The following DMD variants were observed in gnomAD, a reference collection of about 807,000 sequenced individuals.
The protein encoded by DMD is mutant dystrophin.
Under a neutral mutation model 330.1 loss-of-function variants are expected in DMD, and 63 were observed. The ratio of observed to expected loss-of-function variants is 0.19; its 90% CI spans 0.16 to 0.24. DMD has a LOEUF of 0.24. Ranked by LOEUF, DMD falls within the 10% of genes least tolerant of loss-of-function variation. The probability of loss-of-function intolerance (pLI) is 1.00; values close to 1 mark genes in which losing one functional copy is unlikely to be tolerated. For synonymous variants in DMD, 1,223 were observed against 959.8 expected, an observed-to-expected ratio of 1.27 and a Z score of -5.07; for missense variants, 3,344 against 2,684.1, an observed-to-expected ratio of 1.25 and a Z score of -5.43.
chrX:31,410,138 C>T (rs947895066), intron 60 of DMD, among the ~76,000 whole-genome samples: 2 of 112,117 alleles, frequency 1.8e-5, no homozygotes, highest in Admixed American at 9.4e-5. Context: ...ATTTTTAAAG[C>T]GGCATGCATC....
At chrX:31,826,952 G>C (rs1273428173) in intron 49 of DMD, among the ~76,000 whole-genome samples, 1 of 111,812 alleles carries the variant, frequency 8.9e-6, no homozygotes, top group Non-Finnish European at 1.9e-5. Flanking sequence ...ATTTATTATA[G>C]GTGACTTTTG....
At chrX:31,378,593 C>A (rs1306576827) in intron 60 of DMD, among the ~76,000 whole-genome samples, 1 of 109,922 alleles carries the variant, frequency 9.1e-6, no homozygotes, top group African/African-American at 3.3e-5. Flanking sequence ...CACGGGGACG[C>A]CTGCCTTGGT....
In DMD at chrX:32,491,406, G is replaced by A; in HGVS notation, c.2493C>T (p.Asn831=). Residue 831 remains asparagine, a synonymous_variant, in exon 20 of 79, where the codon AAC becomes AAT. Coordinates refer to ENST00000357033, the MANE Select transcript of DMD (RefSeq NM_004006.3). Reference sequence around the variant, plus strand: ...GTAGCTGATTATAGAAAGCGATGATGTTGTTCTGATACTCCAGCCAGTTAA... The same window carrying A: ...GTAGCTGATTATAGAAAGCGATGATATTGTTCTGATACTCCAGCCAGTTAA... The part of the protein sequence containing the change: ...ERLNWLEYQN[N]IIAFYNQLQQ... The A allele has an allele frequency of 8.3e-7, 1 of 1,211,753 alleles. No individual in the cohort carries two copies. The highest frequency in any genetic ancestry group is 1.1e-6 in the Non-Finnish European group (1 of 895,481).
chrX:31,124,994 A>C (rs1355206463), intron 78 of DMD, among the ~76,000 whole-genome samples: 1 of 111,843 alleles, frequency 8.9e-6, no homozygotes, highest in African/African-American at 3.2e-5. Context: ...AGCATTAAAA[A>C]AGGTCATTAT....
chrX:31,909,616 T>C (rs2094523014), intron 47 of DMD, among the ~76,000 whole-genome samples: 1 of 111,190 alleles, frequency 9.0e-6, no homozygotes, highest in African/African-American at 3.3e-5. Context: ...CTTACAGCAT[T>C]AAGAGAACCA....
intron 63 of DMD, among the ~76,000 whole-genome samples, chrX:31,243,240 C>T (rs1193045744): frequency 8.9e-6 from 1 of 111,844 alleles, no homozygotes; most frequent in African/African-American, 3.3e-5. Context: ...AACTGAATAG[C>T]CTTTTATTAG....
chrX:31,272,881 C>T (rs1393824023), intron 62 of DMD, among the ~76,000 whole-genome samples: 1 of 112,007 alleles, frequency 8.9e-6, no homozygotes, highest in African/African-American at 3.2e-5. Flanking sequence ...TCTGATCAAT[C>T]TAGAAATTAC....
At chrX:32,714,685 G>T (rs890878933) in intron 7 of DMD, among the ~76,000 whole-genome samples, 1 of 111,491 alleles carries the variant, frequency 9.0e-6, no homozygotes, top group East Asian at 2.8e-4. Flanking sequence ...TTCATCATAT[G>T]TGACTTCCTT....
At chrX:32,589,215 T>C (rs1221700702) in intron 13 of DMD, among the ~76,000 whole-genome samples, 1 of 111,856 alleles carries the variant, frequency 8.9e-6, no homozygotes, top group Non-Finnish European at 1.9e-5. Context: ...CTTCACAGGA[T>C]GCTGCCATCT....
chrX:31,404,988 T>G (rs1188512582), intron 60 of DMD, among the ~76,000 whole-genome samples: 1 of 111,146 alleles, frequency 9.0e-6, no homozygotes, highest in Non-Finnish European at 1.9e-5. Context: ...GTAAGGAAAA[T>G]GGAGAGTGTG....
chrX:32,400,021 T>C (rs1298034178), intron 30 of DMD, among the ~76,000 whole-genome samples: 1 of 111,480 alleles, frequency 9.0e-6, no homozygotes, highest in Non-Finnish European at 1.9e-5. Context: ...AGAGAGGGCA[T>C]CCCTGTCTTG....
chrX:32,853,769 G>GAAAAAAAAAAAAAAAAAAAAAAAAAAAAA (rs1162458210), intron 2 of DMD, among the ~76,000 whole-genome samples: 7 of 56,085 alleles, frequency 1.2e-4, no homozygotes, highest in South Asian at 1.2e-3. Context: ...CACAGTGACA[G>GAAAAAAAAAAAAAAAAAAAAAAAAAAAAA]AAAAAAAAAA....
At chrX:31,173,461 G>T (rs2040202615) in intron 72 of DMD, 78 bp downstream of exon 72, 2 of 1,098,489 alleles carry the variant, frequency 1.8e-6, no homozygotes, top group Non-Finnish European at 2.5e-6. Context: ...GAAAAGATTT[G>T]TTTAAAATAT....
At chrX:32,876,572 G>A (rs1165296146) in intron 2 of DMD, among the ~76,000 whole-genome samples, 2 of 111,536 alleles carry the variant, frequency 1.8e-5, no homozygotes, top group Non-Finnish European at 3.8e-5. Context: ...AGTCCCTCCT[G>A]ATCTTGCGGT....
intron 1 of DMD, among the ~76,000 whole-genome samples, chrX:33,262,873 G>A (rs1311091429): frequency 1.8e-5 from 2 of 110,348 alleles, no homozygotes; most frequent in African/African-American, 3.3e-5. Flanking sequence ...TAGACCAAAA[G>A]TCAATTGAAA....
chrX:32,549,224 C>A (rs755381414), intron 16 of DMD, among the ~76,000 whole-genome samples: 1 of 111,721 alleles, frequency 9.0e-6, no homozygotes, highest in Non-Finnish European at 1.9e-5. Flanking sequence ...AGTTTATACA[C>A]TGTGACATTT....
intron 53 of DMD, among the ~76,000 whole-genome samples, chrX:31,662,101 C>T (rs972998590): frequency 9.0e-6 from 1 of 111,699 alleles, no homozygotes; most frequent in Admixed American, 9.5e-5. Context: ...TGAATCCTGG[C>T]GTGATCGCTT....
At chrX:32,049,230 A>G (rs781690754) in intron 44 of DMD, among the ~76,000 whole-genome samples, 1 of 111,452 alleles carries the variant, frequency 9.0e-6, no homozygotes, top group Admixed American at 9.5e-5. Flanking sequence ...AAAGAGGAAT[A>G]CTATGTTCAA....
intron 1 of DMD, among the ~76,000 whole-genome samples, chrX:33,190,852 AATATATAATATTATATATAT>A (rs2050501423): frequency 5.2e-5 from 1 of 19,180 alleles, no homozygotes; most frequent in African/African-American, 9.6e-5. Flanking sequence ...ACTAATATAT[AATATATAATATTATATATAT>A]ATATATAATA....
Sources: allele counts gnomAD v4.1 joint callset (sites outside exome capture counted in the v4.1 genomes callset), GRCh38; gene constraint gnomAD v4.1.1; transcripts MANE v1.5; gene names NCBI Gene and HGNC (gene_info 2026-07-23, HGNC 2026-07-21).